Variants in BAZ2B observed in about 807,000 individuals in gnomAD.
BAZ2B encodes the protein bromodomain adjacent to zinc finger domain protein 2B.
Under a neutral mutation model 246.0 loss-of-function variants are expected in BAZ2B, and 91 were observed. The ratio of observed to expected loss-of-function variants is 0.37; its 90% CI spans 0.31 to 0.44. The LOEUF (loss-of-function observed/expected upper bound fraction) is 0.44. BAZ2B is among the 20% of genes least tolerant of loss of function. The pLI is 1.00. For missense variants in BAZ2B, 2,332 were observed against 2,533.7 expected (o/e 0.92, Z 1.71); for synonymous variants, 855 against 860.0 (o/e 0.99, Z 0.10).
At chr2:159,504,060 A>G (rs1455553892) in intron 2 of BAZ2B, among the ~76,000 whole-genome samples, 1 of 152,170 alleles carries the variant, frequency 6.6e-6, no homozygotes, top group Non-Finnish European at 1.5e-5. Flanking sequence ...TTAAATAAAC[A>G]TGACTTGCAA....
the BAZ2B span, among the ~76,000 whole-genome samples, chr2:159,666,934 G>T: frequency 2.0e-5 from 3 of 151,938 alleles, no homozygotes; most frequent in East Asian, 3.9e-4. Context: ...TGTTGGGGGT[G>T]GGGGGCAAGG....
At chr2:159,663,773 T>C in the BAZ2B span, among the ~76,000 whole-genome samples, 1 of 150,398 alleles carries the variant, frequency 6.6e-6, no homozygotes, top group Non-Finnish European at 1.5e-5. Context: ...TGCCTTGGCC[T>C]CCAAAAATGC....
chr2:159,700,874 C>A, the BAZ2B span, among the ~76,000 whole-genome samples: 1 of 152,074 alleles, frequency 6.6e-6, no homozygotes, highest in Admixed American at 6.6e-5. Flanking sequence ...AATCTTTTTA[C>A]ACTAATTGGT....
At chr2:159,676,357 A>G in the BAZ2B span, among the ~76,000 whole-genome samples, 1 of 152,166 alleles carries the variant, frequency 6.6e-6, no homozygotes, top group Admixed American at 6.5e-5. Flanking sequence ...TGAATAAGAT[A>G]TCTTGTAAAC....
At chr2:159,614,969 A>G (rs182239939) in intron 1 of BAZ2B, among the ~76,000 whole-genome samples, 2 of 152,310 alleles carry the variant, frequency 1.3e-5, no homozygotes, top group East Asian at 3.9e-4. Flanking sequence ...AATAAAAAAG[A>G]GAGAGACTTG....
At chr2:159,649,254 G>A in the BAZ2B span, among the ~76,000 whole-genome samples, 1 of 151,872 alleles carries the variant, frequency 6.6e-6, no homozygotes, top group Admixed American at 6.6e-5. Context: ...AGAATGAGGG[G>A]AGCCCTGAGC....
At chr2:159,467,768 A>AG (rs79277858) in intron 3 of BAZ2B, among the ~76,000 whole-genome samples, 41,010 of 152,012 alleles carry the variant, frequency 0.27, 6,806 homozygotes, top group Non-Finnish European at 0.38. Flanking sequence ...AGCCCCCTGA[A>AG]ATACTGGAAA....
At chr2:159,492,254 AC>A (rs1189549867) in intron 2 of BAZ2B, among the ~76,000 whole-genome samples, 1 of 152,136 alleles carries the variant, frequency 6.6e-6, no homozygotes, top group Non-Finnish European at 1.5e-5. Flanking sequence ...TATGCTTTAA[AC>A]CCCAGGTCAA....
chr2:159,498,854 C>T (rs927832214), intron 2 of BAZ2B, among the ~76,000 whole-genome samples: 7 of 152,060 alleles, frequency 4.6e-5, no homozygotes, highest in African/African-American at 1.7e-4. Context: ...ACTGTATTGG[C>T]AATACCCAAA....
chr2:159,669,803 T>C, the BAZ2B span, among the ~76,000 whole-genome samples: 2 of 152,212 alleles, frequency 1.3e-5, no homozygotes, highest in African/African-American at 2.4e-5. Context: ...GTAGGAAGTA[T>C]AGTTTGTTCT....
At chr2:159,462,265 G>T in intron 3 of BAZ2B, 1 of 605,650 alleles carries the variant, frequency 1.7e-6, no homozygotes, top group Non-Finnish European at 3.0e-6. Context: ...ATTCCATGAG[G>T]TTAGAAAACT....
the BAZ2B span, among the ~76,000 whole-genome samples, chr2:159,671,482 T>A: frequency 6.6e-6 from 1 of 152,172 alleles, no homozygotes; most frequent in East Asian, 1.9e-4. Flanking sequence ...TTAAAATGAG[T>A]TTAAATATAA....
intron 1 of BAZ2B, among the ~76,000 whole-genome samples, chr2:159,573,461 T>C (rs1578507523): frequency 6.6e-6 from 1 of 152,134 alleles, no homozygotes; most frequent in South Asian, 2.1e-4. Context: ...AATATCCACA[T>C]GTAAAAGAAG....
At chr2:159,685,771 C>T in the BAZ2B span, among the ~76,000 whole-genome samples, 1 of 152,022 alleles carries the variant, frequency 6.6e-6, no homozygotes. Context: ...AACATAAGTC[C>T]ATACTGTTAT....
At chr2:159,568,645 G>A (rs1225811889) in intron 1 of BAZ2B, among the ~76,000 whole-genome samples, 1 of 152,090 alleles carries the variant, frequency 6.6e-6, no homozygotes, top group Non-Finnish European at 1.5e-5. Context: ...TGGTTGCCTG[G>A]ATTGACAGTG....
Position 159,350,057 on chromosome 2 carries a change from T to C in BAZ2B, c.4514A>G (p.Lys1505Arg). ...GCTLSYQNSGKHSLGSVQSTA... is the reference protein window; with the variant it reads ...GCTLSYQNSGRHSLGSVQSTA... Reference sequence around the variant, plus strand: ...TGACTGAACGCTGCCCAGTGAATGTTTTCCACTGTTCTGATAAGACAACGT... The same window carrying C: ...TGACTGAACGCTGCCCAGTGAATGTCTTCCACTGTTCTGATAAGACAACGT... The change falls in exon 28 of 37, where the codon AAA (lysine) becomes AGA (arginine). Residue 1505 changes from lysine to arginine, a missense_variant. Physicochemically the swap from Lys to Arg is conservative, Grantham distance 26. Around this residue, in one of 9 missense-constraint regions of BAZ2B, gnomAD observed 676 missense variants for 668.6 expected, o/e 1.01. Transcript: ENST00000392783. The C allele has an allele frequency of 6.2e-7, 1 of 1,614,172 alleles. No individual in the cohort carries two copies. The highest frequency in any genetic ancestry group is 8.5e-7 in the Non-Finnish European group (1 of 1,180,006).
intron 2 of BAZ2B, among the ~76,000 whole-genome samples, chr2:159,503,719 A>G (rs1240900652): frequency 2.0e-5 from 3 of 152,058 alleles, no homozygotes; most frequent in Non-Finnish European, 4.4e-5. Context: ...AGCTGGAATT[A>G]CAGGTGCCTC....
At chr2:159,458,725 C>T (rs2076083473) in intron 3 of BAZ2B, 1 of 152,128 alleles carries the variant, frequency 6.6e-6, no homozygotes, top group Non-Finnish European at 1.5e-5. Context: ...ATACTATCTC[C>T]TTTATTGGAT....
chr2:159,689,375 T>G, the BAZ2B span: 8 of 176,380 alleles, frequency 4.5e-5, no homozygotes, highest in Admixed American at 6.6e-5. Flanking sequence ...TACTTTCCTT[T>G]TTTTTTTTTT....
Sources: allele counts gnomAD v4.1 joint callset (sites outside exome capture counted in the v4.1 genomes callset), GRCh38; gene constraint gnomAD v4.1.1; regional missense constraint gnomAD v4.1.1; transcripts MANE v1.5; gene names NCBI Gene and HGNC (gene_info 2026-07-23, HGNC 2026-07-21).